The following NCOR1 variants were observed in gnomAD, a reference collection of about 807,000 sequenced individuals.
The protein encoded by NCOR1 is nuclear receptor corepressor 1.
A neutral mutation model predicts 288.1 loss-of-function variants in NCOR1; 63 were observed. The observed-to-expected ratio is 0.22, with a 90% CI of 0.18 to 0.27. NCOR1 has a LOEUF of 0.27. Ranked by LOEUF, NCOR1 falls within the 10% of genes least tolerant of loss-of-function variation. The pLI, the probability that NCOR1 is intolerant of heterozygous loss-of-function variation, is 1.00. For synonymous variants in NCOR1, 1,007 were observed against 1,065.9 expected (o/e 0.94, Z 1.08); for missense variants, 2,397 against 3,019.2 (o/e 0.79, Z 4.83).
intron 44 of NCOR1, among the ~76,000 whole-genome samples, chr17:16,037,085 G>A (rs897936911): frequency 5.3e-5 from 8 of 152,158 alleles, no homozygotes; most frequent in South Asian, 2.1e-4. Context: ...TTAATTGGCC[G>A]AATTTGAATA....
intron 3 of NCOR1, among the ~76,000 whole-genome samples, chr17:16,175,989 G>C (rs2084090069): frequency 6.6e-6 from 1 of 151,968 alleles, no homozygotes; most frequent in South Asian, 2.1e-4. Flanking sequence ...GGTCAAGGTG[G>C]GTGGATCACC....
rs572162411 is a variant in NCOR1 at position 16,127,305 on chromosome 17, A to G, written c.1510-1099T>C. On this transcript the variant is annotated intron_variant, in intron 14 of 45. Coordinates refer to ENST00000268712, the MANE Select transcript of NCOR1 (RefSeq NM_006311.4). The stretch of plus-strand genomic sequence containing the variant: ...TACGTGTATATATGTATGTATGTAT[A>G]TATACATGTATGTATATATGTATGT... Among the ~76,000 whole-genome samples, 77 of 91,750 alleles carry G rather than the reference A, an allele frequency of 8.4e-4. 11 individuals carry two copies. Among genetic ancestry groups the G allele is most frequent in the African/African-American group, 1.6e-3 (40 of 24,378 alleles). The allele number at this position is 91,750 out of a possible 152,430, so 60.2% of individuals were successfully genotyped here. A position where few individuals can be genotyped will look rare whatever the true frequency, so the allele number is the denominator to read the frequency against.
At chr17:16,096,388 G>A (rs2066624167) in intron 21 of NCOR1, among the ~76,000 whole-genome samples, 1 of 151,940 alleles carries the variant, frequency 6.6e-6, no homozygotes, top group Non-Finnish European at 1.5e-5. Flanking sequence ...GATTATTAAG[G>A]TAAAATATAA....
intron 21 of NCOR1, among the ~76,000 whole-genome samples, chr17:16,092,682 TA>T (rs1567959487): frequency 0.022 from 452 of 20,928 alleles, 7 homozygotes; most frequent in Non-Finnish European, 0.026. Flanking sequence ...TATATATATA[TA>T]TATATATATA....
chr17:16,200,547 G>A (rs1295500333), intron 1 of NCOR1, among the ~76,000 whole-genome samples: 1 of 149,828 alleles, frequency 6.7e-6, no homozygotes, highest in Non-Finnish European at 1.5e-5. Context: ...CACTGTGGCA[G>A]GACTGCAGAT....
intron 17 of NCOR1, 150 bp from the exon 18 acceptor site, chr17:16,118,177 T>C (rs1049276935): frequency 1.3e-5 from 10 of 784,492 alleles, no homozygotes; most frequent in Non-Finnish European, 1.6e-5. Context: ...TTGATACTTA[T>C]AAAAATACTT....
chr17:16,213,489 CAAAA>C (rs537795184), intron 1 of NCOR1, among the ~76,000 whole-genome samples: 1 of 78,128 alleles, frequency 1.3e-5, no homozygotes. Flanking sequence ...AAGACTGTCT[CAAAA>C]AAAAAAAAAA....
Position 16,068,090 on chromosome 17 carries a change from A to C in NCOR1, c.4545T>G (p.His1515Gln). 6.2e-7 allele frequency: 1 copy of C among 1,613,564 alleles called. No individual in the cohort carries two copies. The highest frequency in any genetic ancestry group is 8.5e-7 in the Non-Finnish European group (1 of 1,179,708). The change falls in exon 32 of 46, where the codon CAT becomes CAG. Residue 1515 changes from histidine to glutamine, a missense_variant. His to Gln is a conservative substitution (Grantham distance 24, BLOSUM62 0). Coordinates refer to ENST00000268712, the MANE Select transcript of NCOR1 (RefSeq NM_006311.4). ...TAGGGGTCAGTGTCGATTTCCTTTCATGATTGGTAGACTTGTTAGAAGAAA... is the reference window on the plus strand; with the variant it reads ...TAGGGGTCAGTGTCGATTTCCTTTCCTGATTGGTAGACTTGTTAGAAGAAA... ...VTISSNKSTN[H>Q]ERKSTLTPTQ... is the part of the protein sequence containing the mutation.
chr17:16,131,337 T>C (rs1053569467), intron 14 of NCOR1, among the ~76,000 whole-genome samples: 1 of 152,140 alleles, frequency 6.6e-6, no homozygotes, highest in Admixed American at 6.5e-5. Flanking sequence ...GGTAAGTGTA[T>C]TTCAACATAA....
At chr17:16,153,239 C>A (rs185329633) in intron 7 of NCOR1, 100 bp downstream of exon 7, 3 of 840,456 alleles carry the variant, frequency 3.6e-6, no homozygotes, top group African/African-American at 3.4e-5. Flanking sequence ...CTACATCTCT[C>A]TTATCCCAAA....
At chr17:16,042,029 C>T (rs1027738084) in intron 42 of NCOR1, among the ~76,000 whole-genome samples, 8 of 152,242 alleles carry the variant, frequency 5.3e-5, no homozygotes, top group African/African-American at 1.4e-4. Flanking sequence ...CCACCGTGCC[C>T]GGCCAGAATG....
intron 1 of NCOR1, among the ~76,000 whole-genome samples, chr17:16,213,150 A>G (rs1016941416): frequency 2.0e-5 from 3 of 151,958 alleles, no homozygotes; most frequent in Non-Finnish European, 4.4e-5. Context: ...TTTGATTAAG[A>G]GGATAGGCAA....
In NCOR1 at chr17:16,127,315, A is replaced by ATATATG. The variant is rs1370427604; in HGVS notation, c.1510-1110_1510-1109insCATATA. Among the ~76,000 whole-genome samples, 27 of 40,004 alleles carry ATATATG rather than the reference A, an allele frequency of 6.7e-4. 7 individuals are homozygous for ATATATG. The highest frequency in any genetic ancestry group is 9.0e-4 in the Non-Finnish European group (14 of 15,484). 26.2% of individuals were successfully genotyped at this position (40,004 alleles called of 152,430 possible). A position where few individuals can be genotyped will look rare whatever the true frequency, so the allele number is the denominator to read the frequency against. On this transcript the variant is annotated intron_variant, in intron 14 of 45. Transcript: ENST00000268712. ...TATGTATGTATGTATATATACATGT[A>ATATATG]TGTATATATGTATGTATATATACAT...
At chr17:16,146,772 T>C (rs570772412) in intron 9 of NCOR1, among the ~76,000 whole-genome samples, 2 of 152,314 alleles carry the variant, frequency 1.3e-5, no homozygotes, top group South Asian at 4.1e-4. Context: ...TTAGTTAACA[T>C]TAAGACTATG....
rs766619779 is a variant in NCOR1 at position 16,058,478 on chromosome 17, T to C, written c.6003A>G (p.Gln2001=). 5 of 1,611,956 alleles carry C rather than the reference T, an allele frequency of 3.1e-6. No individual in the cohort carries two copies. In the Admixed American group the frequency reaches 6.8e-5, roughly 22 times the overall value. ...TYQPEVVKAN[Q]AENDPTRQYE... ...TAGCTTAAGAAGACATACTTTCCGCTTGATTTGCCTTAACAACCTCTGGCT... is the reference window on the plus strand; with the variant it reads ...TAGCTTAAGAAGACATACTTTCCGCCTGATTTGCCTTAACAACCTCTGGCT... The change falls in exon 38 of 46, where the codon CAA becomes CAG. Residue 2001 remains glutamine, a synonymous_variant. Transcript: ENST00000268712.
At chr17:16,101,169 T>C in intron 20 of NCOR1, 81 bp downstream of exon 20, 2 of 1,400,168 alleles carry the variant, frequency 1.4e-6, no homozygotes, top group Non-Finnish European at 1.9e-6. Context: ...ATAGGAGACA[T>C]GTCTGCAGCC....
Position 16,215,347 on chromosome 17 carries a change from C to T in NCOR1, c.-71+15G>A. 2.5e-6 allele frequency: 1 copy of T among 393,174 alleles called. No individual in the cohort carries two copies. The highest frequency in any genetic ancestry group is 4.5e-6 in the Non-Finnish European group (1 of 222,848). 24.4% of individuals were successfully genotyped at this position (393,174 alleles called of 1,614,324 possible). ...AGCCCGGAGGCCGGGGTTGCAGGCG[C>T]CAGGGCCTACTCACCGGGAGCTGGC... is the stretch of plus-strand genomic sequence containing the variant. On this transcript the variant is annotated intron_variant, in intron 1 of 45. Coordinates refer to ENST00000268712, the MANE Select transcript of NCOR1 (RefSeq NM_006311.4).
intron 4 of NCOR1, among the ~76,000 whole-genome samples, chr17:16,166,346 G>A (rs2081995258): frequency 6.6e-6 from 1 of 152,146 alleles, no homozygotes; most frequent in Admixed American, 6.6e-5. Flanking sequence ...AAATCCTTGA[G>A]GTCATTGGCT....
At chr17:16,188,404 G>A (rs2087239736) in intron 2 of NCOR1, among the ~76,000 whole-genome samples, 1 of 152,030 alleles carries the variant, frequency 6.6e-6, no homozygotes, top group African/African-American at 2.4e-5. Context: ...AAGGTCAGGA[G>A]TTTGAGAACA....
Sources: gnomAD v4.1 joint callset for allele counts (sites outside exome capture counted in the v4.1 genomes callset) on GRCh38, gnomAD v4.1.1 for gene constraint, MANE v1.5 for transcripts, NCBI Gene and HGNC (gene_info 2026-07-23, HGNC 2026-07-21) for gene names.